DLGAP2: variants seen among roughly 807,000 people sequenced by gnomAD.
DLGAP2 encodes the protein DLG associated protein 2.
DLGAP2 carries 26 observed loss-of-function variants against 100.3 expected under a neutral mutation model. The ratio of observed to expected loss-of-function variants is 0.26; its 90% CI spans 0.19 to 0.36. The LOEUF (loss-of-function observed/expected upper bound fraction) is 0.36, where lower values mean the gene tolerates loss of function less well. Among genes scored for constraint, DLGAP2 ranks in the 10% least tolerant of loss-of-function variants. The pLI is 1.00. For synonymous variants in DLGAP2, 886 were observed against 630.1 expected, an observed-to-expected ratio of 1.41 and a Z score of -6.08; for missense variants, 1,858 against 1,453.2, an observed-to-expected ratio of 1.28 and a Z score of -4.53.
rs545279378 is a variant in DLGAP2, at chr8:1,311,385, C to T, written c.106+52502C>T. ...AATTAACACAAATCCACAGACCCTT[C>T]CAAAAAAATAGAAGTGGAGGAAACA... On this transcript the variant is annotated intron_variant, in intron 3 of 14. Transcript: ENST00000637795. Among the ~76,000 whole-genome samples, 374 of 152,286 alleles carry T rather than the reference C, an allele frequency of 2.5e-3. 1 individual carries two copies. Among genetic ancestry groups the T allele is most frequent in the African/African-American group, 8.7e-3 (362 of 41,564 alleles).
chr8:1,042,190 G>C (rs924005537), intron 2 of DLGAP2, among the ~76,000 whole-genome samples: 7 of 152,182 alleles, frequency 4.6e-5, no homozygotes, highest in African/African-American at 1.4e-4. Context: ...GTGATGCCTT[G>C]TCCGGCTTTC....
intron 2 of DLGAP2, among the ~76,000 whole-genome samples, chr8:1,077,087 G>A (rs2129038614): frequency 6.6e-6 from 1 of 152,178 alleles, no homozygotes; most frequent in East Asian, 1.9e-4. Flanking sequence ...CTCCTGATTT[G>A]CTGTCAATGT....
At chr8:998,110 C>G (rs1023780932) in intron 2 of DLGAP2, among the ~76,000 whole-genome samples, 1 of 152,088 alleles carries the variant, frequency 6.6e-6, no homozygotes, top group Non-Finnish European at 1.5e-5. Flanking sequence ...AACATACACA[C>G]GTGTATGAAC....
Position 1,023,602 on chromosome 8 carries a change from G to T in DLGAP2, c.73+115636G>T, listed in dbSNP as rs117268369. ...TGTTTCAGCGCAACAGTGTCGGCAG[G>T]CCCCGTTTGTTCCTGCTCAGGACCT... On this transcript the variant is annotated intron_variant, in intron 2 of 14. Transcript: ENST00000637795. Among the ~76,000 whole-genome samples the T allele has an allele frequency of 2.5e-3, 382 of 151,104 alleles. 1 individual carries two copies. The highest frequency in any genetic ancestry group is 4.4e-3 in the Non-Finnish European group (298 of 67,998).
At chr8:901,197 G>A (rs959342301) in intron 1 of DLGAP2, among the ~76,000 whole-genome samples, 15 of 152,178 alleles carry the variant, frequency 9.9e-5, no homozygotes, top group Admixed American at 1.3e-4. Context: ...TGATGTAGGA[G>A]GATTGCTTGA....
intron 1 of DLGAP2, among the ~76,000 whole-genome samples, chr8:885,922 G>C (rs1195930638): frequency 6.6e-6 from 1 of 152,188 alleles, no homozygotes; most frequent in East Asian, 1.9e-4. Context: ...AATAAAATGA[G>C]TTAGGGAGGA....
At chr8:932,832 C>T (rs1798989353) in intron 2 of DLGAP2, among the ~76,000 whole-genome samples, 3 of 152,122 alleles carry the variant, frequency 2.0e-5, no homozygotes, top group Admixed American at 2.0e-4. Flanking sequence ...AAAAAAATTT[C>T]TTAAGATGAA....
chr8:1,005,341 A>G (rs1044947410), intron 2 of DLGAP2, among the ~76,000 whole-genome samples: 7 of 152,014 alleles, frequency 4.6e-5, no homozygotes, highest in Admixed American at 3.9e-4. Flanking sequence ...CCGCGTCCTT[A>G]GCAAGGCAGC....
chr8:1,185,733 TCACACACA>T (rs77585255), intron 2 of DLGAP2, among the ~76,000 whole-genome samples: 19,294 of 139,278 alleles, frequency 0.14, 1,323 homozygotes, highest in East Asian at 0.26. Context: ...ACACTCACAC[TCACACACA>T]CACACTCACA....
At chr8:740,028 G>C (rs1230238811) in intron 1 of DLGAP2, 2 of 152,320 alleles carry the variant, frequency 1.3e-5, no homozygotes, top group African/African-American at 2.4e-5. Context: ...CGCCATTCCT[G>C]CCCCTTCACT....
chr8:1,041,613 C>T (rs1169677181), intron 2 of DLGAP2, among the ~76,000 whole-genome samples: 1 of 125,844 alleles, frequency 7.9e-6, no homozygotes. Context: ...TTCTCCGAGC[C>T]CCTTGCCGTG....
intron 2 of DLGAP2, among the ~76,000 whole-genome samples, chr8:1,129,563 C>T (rs1024138255): frequency 3.9e-5 from 6 of 152,218 alleles, no homozygotes; most frequent in Admixed American, 6.5e-5. Flanking sequence ...GATATTATTT[C>T]GAGAGGGGCA....
At position 1,516,041 on chromosome 8, in the gene DLGAP2, CTGAG is replaced by C. The variant is rs1423039568; in HGVS notation, c.172+14614_172+14617del. Among the ~76,000 whole-genome samples, 17 of 131,098 alleles carry C rather than the reference CTGAG, an allele frequency of 1.3e-4. No individual in the cohort carries two copies. In the East Asian group the frequency reaches 3.4e-3, roughly 26 times the overall value. 86.0% of individuals were successfully genotyped at this position (131,098 alleles called of 152,430 possible). A position where few individuals can be genotyped will look rare whatever the true frequency, so the allele number is the denominator to read the frequency against. On this transcript the variant is annotated intron_variant, in intron 4 of 14. Transcript: ENST00000637795. The stretch of plus-strand genomic sequence containing the variant: ...CATGAATGAGTGAGTGAATGAGTAA[CTGAG>C]TGAATGAGTGAGTGGGTGAGTAAAA...
intron 3 of DLGAP2, among the ~76,000 whole-genome samples, chr8:1,480,166 G>A (rs568146188): frequency 1.3e-5 from 2 of 152,146 alleles, no homozygotes; most frequent in African/African-American, 2.4e-5. Flanking sequence ...CCACTGTACC[G>A]AACATCCCCC....
chr8:961,935 C>G (rs543544859), intron 2 of DLGAP2, among the ~76,000 whole-genome samples: 68 of 152,316 alleles, frequency 4.5e-4, no homozygotes, highest in African/African-American at 1.6e-3. Context: ...CAAGGCCGAT[C>G]AATATGTGGA....
At chr8:743,285 C>T (rs1302134803) in intron 1 of DLGAP2, among the ~76,000 whole-genome samples, 2 of 152,074 alleles carry the variant, frequency 1.3e-5, no homozygotes, top group Non-Finnish European at 2.9e-5. Context: ...TCAACAAAAC[C>T]CAAAACTACA....
At chr8:748,846 C>T (rs896462426) in intron 1 of DLGAP2, among the ~76,000 whole-genome samples, 1 of 152,176 alleles carries the variant, frequency 6.6e-6, no homozygotes, top group Non-Finnish European at 1.5e-5. Context: ...TTGTGCGGCG[C>T]GGAGACCTTT....
rs143867831 is a variant in DLGAP2, at chr8:1,364,757, C to T, written c.106+105874C>T. Among the ~76,000 whole-genome samples, 12 of 152,346 alleles carry T rather than the reference C, an allele frequency of 7.9e-5. No individual in the cohort carries two copies. The East Asian group carries it at 2.1e-3, about 27-fold the overall frequency. On this transcript the variant is annotated intron_variant, in intron 3 of 14. Transcript: ENST00000637795. ...CAGCCAGAGCTCAGCTCCCCTTGAA[C>T]GAAGGACGAGAGGGCTTCTCAGAGC...
chr8:1,472,689 C>T (rs1288361285), intron 3 of DLGAP2, among the ~76,000 whole-genome samples: 1 of 152,118 alleles, frequency 6.6e-6, no homozygotes, highest in Non-Finnish European at 1.5e-5. Context: ...GTGCAGCTGC[C>T]AGCCAGCCAC....
Sources: gnomAD v4.1 joint callset for allele counts (sites outside exome capture counted in the v4.1 genomes callset) on GRCh38, gnomAD v4.1.1 for gene constraint, MANE v1.5 for transcripts, NCBI Gene and HGNC (gene_info 2026-07-23, HGNC 2026-07-21) for gene names.